RNF144B: variants seen among roughly 807,000 people sequenced by gnomAD.
RNF144B encodes E3 ubiquitin-protein ligase RNF144B.
RNF144B carries 25 observed loss-of-function variants against 40.2 expected under a neutral mutation model. The ratio of observed to expected loss-of-function variants is 0.62; its 90% CI spans 0.45 to 0.87. The LOEUF (loss-of-function observed/expected upper bound fraction) is 0.87. Ranked by LOEUF, RNF144B falls within the 40% of genes least tolerant of loss-of-function variation. The pLI is 0.00. For missense variants in RNF144B, 365 were observed against 373.7 expected, an observed-to-expected ratio of 0.98 and a Z score of 0.19; for synonymous variants, 145 against 136.3, an observed-to-expected ratio of 1.06 and a Z score of -0.44.
chr6:18,445,343 A>G (rs887921997), intron 4 of RNF144B, among the ~76,000 whole-genome samples: 1 of 152,212 alleles, frequency 6.6e-6, no homozygotes, highest in Non-Finnish European at 1.5e-5. Context: ...GAGATTTTGA[A>G]ATCTGAAGGC....
rs1794726672 is a variant in RNF144B at position 18,398,074 on chromosome 6, A to T, written c.-36-1425A>T. 6.6e-6 allele frequency among the ~76,000 whole-genome samples: 1 copy of T among 151,602 alleles called. No individual in the cohort carries two copies. Among genetic ancestry groups the T allele is most frequent in the Admixed American group, 6.6e-5 (1 of 15,202 alleles). ...CAGTGAGCTATGATTGTGCCACCAC[A>T]CTCGAGCCTGGGCAACAGAGAGAGA... On this transcript the variant is annotated intron_variant, in intron 1 of 7. Transcript: ENST00000259939. The surrounding 1 kb of genome is among the most constrained non-coding windows in gnomAD (Gnocchi z 5.0).
intron 1 of RNF144B, among the ~76,000 whole-genome samples, chr6:18,393,900 A>G (rs1444235138): frequency 2.6e-5 from 4 of 152,214 alleles, no homozygotes; most frequent in Non-Finnish European, 5.9e-5. Context: ...ACAAAGGCAT[A>G]TAAACACATT....
chr6:18,394,532 A>C (rs1222539234), intron 1 of RNF144B, among the ~76,000 whole-genome samples: 2 of 151,272 alleles, frequency 1.3e-5, no homozygotes, highest in Non-Finnish European at 2.9e-5. Flanking sequence ...CGGGAGGTGG[A>C]GGTTGCAGTG....
At chr6:18,404,393 T>A (rs927044925) in intron 2 of RNF144B, among the ~76,000 whole-genome samples, 2 of 152,218 alleles carry the variant, frequency 1.3e-5, no homozygotes, top group African/African-American at 4.8e-5. Context: ...CTCTAGACTT[T>A]AGTTTCTTTG....
chr6:18,454,073 C>T (rs968774076), intron 4 of RNF144B, among the ~76,000 whole-genome samples: 2 of 152,226 alleles, frequency 1.3e-5, no homozygotes, highest in African/African-American at 4.8e-5. Flanking sequence ...AATAGCATCT[C>T]TGAATCATTT....
Position 18,427,646 on chromosome 6 carries a change from C to T in RNF144B, c.231C>T (p.Asp77=). 1 of 1,613,656 alleles carries T rather than the reference C, an allele frequency of 6.2e-7. No individual in the cohort carries two copies. The highest frequency in any genetic ancestry group is 8.5e-7 in the Non-Finnish European group (1 of 1,179,680). The change falls in exon 3 of 8, where the codon GAC becomes GAT. Residue 77 remains aspartate, a synonymous_variant. Transcript: ENST00000259939. ...EGCGSPITCP[D]MVCLNHGTLQ... is the part of the protein sequence containing the mutation. ...GTGGGTCTCCCATCACTTGCCCTGA[C>T]ATGGTGTGCCTAAACCACGGGACCC...
At chr6:18,420,597 T>C (rs1441703398) in intron 2 of RNF144B, among the ~76,000 whole-genome samples, 3 of 152,022 alleles carry the variant, frequency 2.0e-5, no homozygotes, top group Non-Finnish European at 4.4e-5. Context: ...GGTTGGCAAG[T>C]AGAGGAGGAA....
At position 18,441,503 on chromosome 6, in the gene RNF144B, C is replaced by T. The variant is rs1026561361; in HGVS notation, c.331+1759C>T. 6.6e-6 allele frequency among the ~76,000 whole-genome samples: 1 copy of T among 152,180 alleles called. No homozygotes were observed. Among genetic ancestry groups the T allele is most frequent in the African/African-American group, 2.4e-5 (1 of 41,438 alleles). On this transcript the variant is annotated intron_variant, in intron 4 of 7. Coordinates refer to ENST00000259939, the MANE Select transcript of RNF144B (RefSeq NM_182757.4). The surrounding 1 kb of genome is among the most constrained non-coding windows in gnomAD (Gnocchi z 4.9). ...GTTACTTCCCTGGCTAACTTCACTG[C>T]CCCATATGTCAGCAACAGGCCTTGT...
At chr6:18,411,481 ATATATATATATATATATTTTTTTTTT>A (rs1795037558) in intron 2 of RNF144B, among the ~76,000 whole-genome samples, 1 of 27,908 alleles carries the variant, frequency 3.6e-5, no homozygotes, top group South Asian at 1.4e-3. Context: ...ATATATATAT[ATATATATATATATATATTTTTTTTTT>A]TTTTTTTTTT....
rs901506009 is a variant in RNF144B, at chr6:18,448,891, CAA to C, written c.332-8262_332-8261del. Among the ~76,000 whole-genome samples, 13 of 152,282 alleles carry C rather than the reference CAA, an allele frequency of 8.5e-5. No individual in the cohort carries two copies. The highest frequency in any genetic ancestry group is 1.5e-4 in the Non-Finnish European group (10 of 68,020). On this transcript the variant is annotated intron_variant, in intron 4 of 7. Transcript: ENST00000259939. This position sits in a 1 kb window ranked among gnomAD's most constrained non-coding sequence, Gnocchi z 4.0. ...AGAATATAGATTTGTTTGTCCCTTT[CAA>C]AGAGTTTAAAGTCACACATTAAGGT...
At chr6:18,454,166 G>A (rs1003468131) in intron 4 of RNF144B, among the ~76,000 whole-genome samples, 8 of 152,142 alleles carry the variant, frequency 5.3e-5, no homozygotes, top group African/African-American at 1.4e-4. Flanking sequence ...CAGAAAAACA[G>A]AAAGGCCTTT....
At chr6:18,453,188 G>T (rs1179462236) in intron 4 of RNF144B, among the ~76,000 whole-genome samples, 2 of 141,612 alleles carry the variant, frequency 1.4e-5, no homozygotes, top group African/African-American at 5.2e-5. Context: ...GCCCAGGCTG[G>T]AGTACAGTGG....
rs781463675 is a variant in RNF144B, at chr6:18,412,590, A to C, written c.165+12891A>C. Among the ~76,000 whole-genome samples, 1 of 152,204 alleles carries C rather than the reference A, an allele frequency of 6.6e-6. No individual in the cohort carries two copies. The highest frequency in any genetic ancestry group is 1.5e-5 in the Non-Finnish European group (1 of 68,026). On this transcript the variant is annotated intron_variant, in intron 2 of 7. Transcript: ENST00000259939. The surrounding 1 kb of genome is among the most constrained non-coding windows in gnomAD (Gnocchi z 4.2). Reference sequence around the variant, plus strand: ...AATTCATGTCCAGTGACAAAATGTTACTAAGTAGGTAAAGGAGGTTTAAAA... The same window carrying C: ...AATTCATGTCCAGTGACAAAATGTTCCTAAGTAGGTAAAGGAGGTTTAAAA...
Position 18,399,585 on chromosome 6 carries a change from C to T in RNF144B, c.51C>T (p.Pro17=), listed in dbSNP as rs1246700799. Residue 17 remains proline (P), a synonymous_variant, in exon 2 of 8, where the codon CCC becomes CCT. Coordinates refer to ENST00000259939, the MANE Select transcript of RNF144B (RefSeq NM_182757.4). ...LHYLAMTAEN[P]TPGDLAPAPL... The stretch of plus-strand genomic sequence containing the variant: ...ATCTCGCCATGACTGCTGAAAATCC[C>T]ACTCCTGGAGACCTGGCTCCGGCCC... 1 of 1,614,140 alleles carries T rather than the reference C, an allele frequency of 6.2e-7. No homozygotes were observed. Among genetic ancestry groups the T allele is most frequent in the South Asian group, 1.1e-5 (1 of 91,084 alleles).
Position 18,458,661 on chromosome 6 carries a change from C to G in RNF144B, c.537-946C>G, listed in dbSNP as rs1189088557. ...GTATCTGTGTGTCTCATAGAAGCCA[C>G]TCAGCCTCTGTGAGTCTGTTTCCCT... On this transcript the variant is annotated intron_variant, in intron 5 of 7. Coordinates refer to ENST00000259939, the MANE Select transcript of RNF144B (RefSeq NM_182757.4). The surrounding 1 kb of genome is among the most constrained non-coding windows in gnomAD (Gnocchi z 4.8). 3.9e-5 allele frequency among the ~76,000 whole-genome samples: 6 copies of G among 152,190 alleles called. No individual in the cohort carries two copies. Among genetic ancestry groups the G allele is most frequent in the Non-Finnish European group, 7.3e-5 (5 of 68,038 alleles).
At chr6:18,463,719 G>A (rs114081120) in intron 7 of RNF144B, among the ~76,000 whole-genome samples, 6,184 of 152,282 alleles carry the variant, frequency 0.041, 225 homozygotes, top group Admixed American at 0.11. Flanking sequence ...ATCAAAGGCA[G>A]TGTATTAGTC....
intron 2 of RNF144B, among the ~76,000 whole-genome samples, chr6:18,424,213 A>G (rs987001183): frequency 3.9e-5 from 6 of 152,224 alleles, no homozygotes; most frequent in Non-Finnish European, 2.9e-5. Context: ...GAGATACAGA[A>G]GAAGAGAGGG....
Position 18,443,601 on chromosome 6 carries a change from C to A in RNF144B, c.331+3857C>A, listed in dbSNP as rs776733420. Among the ~76,000 whole-genome samples the A allele has an allele frequency of 6.6e-6, 1 of 151,784 alleles. No individual in the cohort carries two copies. The highest frequency in any genetic ancestry group is 6.6e-5 in the Admixed American group (1 of 15,204). ...GAAGGCAATTTGTAATCGTGTAATTCTTCATTACCATCCGTTATAATTATT... is the reference window on the plus strand; with the variant it reads ...GAAGGCAATTTGTAATCGTGTAATTATTCATTACCATCCGTTATAATTATT... On this transcript the variant is annotated intron_variant, in intron 4 of 7. Coordinates refer to ENST00000259939, the MANE Select transcript of RNF144B (RefSeq NM_182757.4). This position sits in a 1 kb window ranked among gnomAD's most constrained non-coding sequence, Gnocchi z 4.7.
intron 2 of RNF144B, among the ~76,000 whole-genome samples, chr6:18,415,766 A>G (rs1472147275): frequency 1.3e-5 from 2 of 151,910 alleles, no homozygotes; most frequent in East Asian, 1.9e-4. Context: ...TTGAATGGTT[A>G]TATTTTATTC....
Sources: gnomAD v4.1 joint callset for allele counts (sites outside exome capture counted in the v4.1 genomes callset) on GRCh38, gnomAD v4.1.1 for gene constraint, Gnocchi (gnomAD v3.1) non-coding constraint, MANE v1.5 for transcripts, NCBI Gene and HGNC (gene_info 2026-07-23, HGNC 2026-07-21) for gene names.